Variants in CLCN3 observed in about 807,000 individuals in gnomAD.
The protein encoded by CLCN3 is Cl-/H+ antiporter 3.
Under a neutral mutation model 83.4 loss-of-function variants are expected in CLCN3, and 16 were observed. The observed-to-expected ratio is 0.19, with a 90% CI of 0.13 to 0.29. The LOEUF (loss-of-function observed/expected upper bound fraction) is 0.29. Among genes scored for constraint, CLCN3 ranks in the 10% least tolerant of loss-of-function variants. CLCN3 has a pLI of 1.00. For missense variants in CLCN3, 544 were observed against 1,006.0 expected, an observed-to-expected ratio of 0.54 and a Z score of 6.21; for synonymous variants, 322 against 346.2, an observed-to-expected ratio of 0.93 and a Z score of 0.78.
rs147467975 is a variant in CLCN3, at chr4:169,680,069, A to T, written c.180A>T (p.Thr60=). The change falls in exon 3 of 13, where the codon ACA becomes ACT. Residue 60 remains threonine, a synonymous_variant. Transcript: ENST00000513761. ...DTAVGTHYTM[T]NGGSINSSTH... is the part of the protein sequence containing the mutation. ...CTGTAGGAACTCATTATACAATGAC[A>T]AATGGAGGCAGCATTAACAGTTCTA... 46 of 1,612,422 alleles carry T rather than the reference A, an allele frequency of 2.9e-5. No homozygotes were observed. The African/African-American group carries it at 5.5e-4, about 19-fold the overall frequency.
intron 2 of CLCN3, among the ~76,000 whole-genome samples, chr4:169,652,726 A>C (rs1325318602): frequency 2.6e-5 from 4 of 152,224 alleles, no homozygotes; most frequent in African/African-American, 9.6e-5. Flanking sequence ...CAGACCAAGA[A>C]TGTATGAGAG....
intron 1 of CLCN3, among the ~76,000 whole-genome samples, chr4:169,621,976 T>G (rs1560822147): frequency 6.6e-6 from 1 of 152,226 alleles, no homozygotes; most frequent in Non-Finnish European, 1.5e-5. Context: ...ATAATATGGC[T>G]TTAAAAACCA....
intron 2 of CLCN3, among the ~76,000 whole-genome samples, chr4:169,645,638 G>T (rs1030271905): frequency 4.6e-5 from 7 of 152,126 alleles, no homozygotes; most frequent in African/African-American, 1.2e-4. Flanking sequence ...CCTGGCCCTT[G>T]TAAATGTTAG....
chr4:169,658,929 G>T (rs1259344490), intron 2 of CLCN3, among the ~76,000 whole-genome samples: 2 of 151,840 alleles, frequency 1.3e-5, no homozygotes, highest in East Asian at 1.9e-4. Context: ...TTTTTAAAAA[G>T]ACCCTAAATA....
chr4:169,698,011 A>G (rs1732634150), intron 9 of CLCN3, among the ~76,000 whole-genome samples: 1 of 152,108 alleles, frequency 6.6e-6, no homozygotes, highest in African/African-American at 2.4e-5. Context: ...CAACTGGGCA[A>G]TTTTTGCTTG....
chr4:169,679,313 C>T (rs1731825899), intron 2 of CLCN3, among the ~76,000 whole-genome samples: 1 of 151,154 alleles, frequency 6.6e-6, no homozygotes, highest in African/African-American at 2.4e-5. Context: ...CAGAGACGCT[C>T]CTCACTTCCT....
chr4:169,709,862 C>G (rs1733142645), intron 11 of CLCN3, among the ~76,000 whole-genome samples: 1 of 151,744 alleles, frequency 6.6e-6, no homozygotes, highest in African/African-American at 2.4e-5. Context: ...AAATGGGAGG[C>G]CAGGGTGGGA....
In CLCN3 at chr4:169,620,585, C is replaced by T. The variant is rs1053457595; in HGVS notation, c.-495C>T. On this transcript the variant is annotated 5_prime_UTR_variant, in exon 1 of 13. Transcript: ENST00000513761. The stretch of plus-strand genomic sequence containing the variant: ...TCCTGACTCCTGCCGCTTCTCTTCC[C>T]CTTCCGTGGGTCAGGGCCGGTCCGG... 8 of 396,798 alleles carry T rather than the reference C, an allele frequency of 2.0e-5. No individual in the cohort carries two copies. Among genetic ancestry groups the T allele is most frequent in the East Asian group, 3.6e-5 (1 of 28,038 alleles). 24.6% of individuals were successfully genotyped at this position (396,798 alleles called of 1,614,324 possible). A position where few individuals can be genotyped will look rare whatever the true frequency, so the allele number is the denominator to read the frequency against.
intron 2 of CLCN3, among the ~76,000 whole-genome samples, chr4:169,673,368 T>G (rs1731551224): frequency 6.6e-6 from 1 of 152,252 alleles, no homozygotes; most frequent in African/African-American, 2.4e-5. Flanking sequence ...TGTAAATGTT[T>G]ATTGCACTAC....
intron 2 of CLCN3, among the ~76,000 whole-genome samples, chr4:169,650,153 G>A (rs192957770): frequency 2.0e-5 from 3 of 152,084 alleles, no homozygotes; most frequent in Non-Finnish European, 2.9e-5. Flanking sequence ...TAAAACAGTT[G>A]AGTTGGTTCT....
chr4:169,722,177 T>C lies in CLCN3; in HGVS notation c.*2180T>C, dbSNP rs985912746. ...AGCTGTTTTTACATTTTGAAAGTGA[T>C]TCTTCACTTCCTAGTTCTTAATTAT... is the stretch of plus-strand genomic sequence containing the variant. On this transcript the variant is annotated 3_prime_UTR_variant, in exon 13 of 13. Coordinates refer to ENST00000513761, the MANE Select transcript of CLCN3 (RefSeq NM_001829.4). 6.6e-6 allele frequency: 1 copy of C among 152,228 alleles called. No homozygotes were observed. Among genetic ancestry groups the C allele is most frequent in the Non-Finnish European group, 1.5e-5 (1 of 68,034 alleles). 9.4% of individuals were successfully genotyped at this position (152,228 alleles called of 1,614,324 possible).
intron 5 of CLCN3, 55 bp downstream of exon 5, chr4:169,689,285 C>A: frequency 1.4e-6 from 2 of 1,455,748 alleles, no homozygotes; most frequent in Non-Finnish European, 1.9e-6. Flanking sequence ...AAAATGTTTC[C>A]AATTCATTTA....
chr4:169,648,323 T>G (rs545720713), intron 2 of CLCN3, among the ~76,000 whole-genome samples: 1 of 152,376 alleles, frequency 6.6e-6, no homozygotes, highest in African/African-American at 2.4e-5. Context: ...GACATCTCTG[T>G]ACTATCATTG....
intron 1 of CLCN3, among the ~76,000 whole-genome samples, chr4:169,625,192 C>G (rs917091643): frequency 6.6e-6 from 1 of 152,224 alleles, no homozygotes; most frequent in African/African-American, 2.4e-5. Flanking sequence ...ATTTTCACCT[C>G]TCTGCCATCG....
chr4:169,710,321 GT>G (rs910696056), intron 11 of CLCN3, among the ~76,000 whole-genome samples: 1 of 152,166 alleles, frequency 6.6e-6, no homozygotes, highest in Non-Finnish European at 1.5e-5. Context: ...CTGGAATGCA[GT>G]GGCACGATCT....
chr4:169,718,768 T>C (rs989133436), intron 12 of CLCN3, among the ~76,000 whole-genome samples: 2 of 152,248 alleles, frequency 1.3e-5, no homozygotes. Context: ...TGTATGCTAA[T>C]ATTTCACAAG....
intron 2 of CLCN3, among the ~76,000 whole-genome samples, chr4:169,648,329 C>A (rs557917823): frequency 1.3e-5 from 2 of 152,298 alleles, no homozygotes; most frequent in South Asian, 2.1e-4. Flanking sequence ...TCTGTACTAT[C>A]ATTGCAACTT....
At chr4:169,705,446 T>C (rs1241495558) in intron 10 of CLCN3, among the ~76,000 whole-genome samples, 2 of 152,236 alleles carry the variant, frequency 1.3e-5, no homozygotes, top group African/African-American at 4.8e-5. Context: ...TTTAGTTTGA[T>C]GACTTTGAGA....
intron 3 of CLCN3, among the ~76,000 whole-genome samples, chr4:169,686,672 C>T (rs868251496): frequency 6.6e-6 from 1 of 152,174 alleles, no homozygotes. Context: ...GCTTCGGACT[C>T]CCAAAGTGCT....
Sources: gnomAD v4.1 joint callset for allele counts (sites outside exome capture counted in the v4.1 genomes callset) on GRCh38, gnomAD v4.1.1 for gene constraint, MANE v1.5 for transcripts, NCBI Gene and HGNC (gene_info 2026-07-23, HGNC 2026-07-21) for gene names.